The following SPPL3 variants were observed in gnomAD, a reference collection of about 807,000 sequenced individuals.
SPPL3 encodes signal peptide peptidase-like 3.
A neutral mutation model predicts 42.4 loss-of-function variants in SPPL3; 5 were observed. That is an observed-to-expected ratio of 0.12 (90% CI 0.06 to 0.25). The LOEUF (loss-of-function observed/expected upper bound fraction) is 0.25. Among genes scored for constraint, SPPL3 ranks in the 10% least tolerant of loss-of-function variants. SPPL3 has a pLI of 1.00. For synonymous variants in SPPL3, 195 were observed against 181.8 expected, an observed-to-expected ratio of 1.07 and a Z score of -0.58; for missense variants, 235 against 489.0, an observed-to-expected ratio of 0.48 and a Z score of 4.90.
At chr12:120,818,682 C>CA (rs1324500243) in intron 1 of SPPL3, among the ~76,000 whole-genome samples, 1 of 152,220 alleles carries the variant, frequency 6.6e-6, no homozygotes, top group Admixed American at 6.5e-5. Context: ...ACTGCACAGA[C>CA]ATTGCCTTAG....
chr12:120,825,271 G>A (rs1387834517), intron 1 of SPPL3, among the ~76,000 whole-genome samples: 1 of 152,090 alleles, frequency 6.6e-6, no homozygotes, highest in African/African-American at 2.4e-5. Flanking sequence ...TATTTAGTTT[G>A]AAAAAACAAG....
At chr12:120,780,587 TAAAAAAAA>T (rs34476118) in intron 6 of SPPL3, among the ~76,000 whole-genome samples, 6 of 124,654 alleles carry the variant, frequency 4.8e-5, no homozygotes, top group Non-Finnish European at 1.0e-4. Flanking sequence ...TGTCTCTATT[TAAAAAAAA>T]AAAAAAAAAA....
At chr12:120,901,855 G>A (rs1021078511) in intron 1 of SPPL3, 40 of 978,142 alleles carry the variant, frequency 4.1e-5, no homozygotes, top group African/African-American at 7.0e-5. Flanking sequence ...ATGTCAGAGA[G>A]AGGTCGTGTG....
intron 1 of SPPL3, among the ~76,000 whole-genome samples, chr12:120,892,193 A>G (rs1873662186): frequency 6.6e-6 from 1 of 152,210 alleles, no homozygotes; most frequent in Admixed American, 6.5e-5. Context: ...ATTCTTTTAC[A>G]AAGAAAATCT....
At chr12:120,880,180 C>T (rs1285012804) in intron 1 of SPPL3, among the ~76,000 whole-genome samples, 2 of 150,972 alleles carry the variant, frequency 1.3e-5, no homozygotes, top group Non-Finnish European at 2.9e-5. Flanking sequence ...AGCCAGATAA[C>T]GAATCTCAGC....
chr12:120,897,048 C>A (rs963768651), intron 1 of SPPL3, among the ~76,000 whole-genome samples: 3 of 152,070 alleles, frequency 2.0e-5, no homozygotes, highest in Non-Finnish European at 2.9e-5. Context: ...TAAATTTTCA[C>A]GAGATGGTTT....
intron 2 of SPPL3, among the ~76,000 whole-genome samples, chr12:120,803,097 G>A (rs552281490): frequency 2.9e-4 from 44 of 152,272 alleles, no homozygotes; most frequent in African/African-American, 1.1e-3. Context: ...CGATTCACCT[G>A]AACAACTGAG....
chr12:120,810,681 T>G, intron 2 of SPPL3, 128 bp downstream of exon 2: 1 of 719,142 alleles, frequency 1.4e-6, no homozygotes, highest in Non-Finnish European at 2.4e-6. Context: ...CAGAACTCTC[T>G]ATTCTGAGTC....
At chr12:120,773,493 A>G (rs529915840) in intron 6 of SPPL3, among the ~76,000 whole-genome samples, 1 of 152,192 alleles carries the variant, frequency 6.6e-6, no homozygotes, top group South Asian at 2.1e-4. Context: ...AGTGAGGGTC[A>G]GAGGACTGAA....
intron 1 of SPPL3, among the ~76,000 whole-genome samples, chr12:120,873,497 C>T (rs903183553): frequency 6.6e-5 from 10 of 152,252 alleles, no homozygotes; most frequent in Admixed American, 2.0e-4. Context: ...CAAGGCACAT[C>T]ATAACCAAAG....
chr12:120,842,180 A>G (rs1004832155), intron 1 of SPPL3, among the ~76,000 whole-genome samples: 2 of 152,226 alleles, frequency 1.3e-5, no homozygotes, highest in East Asian at 3.8e-4. Context: ...GTGGCCCAGA[A>G]TCATGCATAG....
intron 1 of SPPL3, chr12:120,845,366 T>C (rs1340349216): frequency 2.8e-6 from 1 of 362,758 alleles, no homozygotes; most frequent in Admixed American, 3.7e-5. Context: ...ATACGCCCTC[T>C]GTCAGTGCTG....
At chr12:120,884,101 CAAAA>C (rs33918080) in intron 1 of SPPL3, among the ~76,000 whole-genome samples, 16 of 124,078 alleles carry the variant, frequency 1.3e-4, no homozygotes, top group African/African-American at 2.7e-4. Flanking sequence ...AACTATGTCT[CAAAA>C]AAAAAAAAAA....
intron 1 of SPPL3, among the ~76,000 whole-genome samples, chr12:120,887,793 A>G (rs1474913671): frequency 6.6e-6 from 1 of 152,202 alleles, no homozygotes; most frequent in Non-Finnish European, 1.5e-5. Context: ...TAAACACTAC[A>G]CAAATAAAAC....
Position 120,883,120 on chromosome 12 carries a change from C to G in SPPL3, c.23+20725G>C, listed in dbSNP as rs527496738. On this transcript the variant is annotated intron_variant, in intron 1 of 10. Coordinates refer to ENST00000353487, the MANE Select transcript of SPPL3 (RefSeq NM_139015.5). ...GAGATCAAGACCATCCTGGCTAACA[C>G]GGCGAAACCCCGTCTCTACTAAAAA... Among the ~76,000 whole-genome samples, 41 of 151,058 alleles carry G rather than the reference C, an allele frequency of 2.7e-4. 1 individual carries two copies. The highest frequency in any genetic ancestry group is 9.8e-4 in the African/African-American group (40 of 40,718).
At chr12:120,833,776 T>A (rs942992505) in intron 1 of SPPL3, among the ~76,000 whole-genome samples, 2 of 70,144 alleles carry the variant, frequency 2.9e-5, no homozygotes, top group Admixed American at 2.4e-4. Flanking sequence ...AGTGTGTGTG[T>A]GTGTGTGTGT....
chr12:120,839,240 C>T (rs1871723498), intron 1 of SPPL3, among the ~76,000 whole-genome samples: 1 of 151,282 alleles, frequency 6.6e-6, no homozygotes, highest in Non-Finnish European at 1.5e-5. Context: ...TCATCATTCT[C>T]AGTGAACTAC....
chr12:120,767,749 A>G (rs1366914193), intron 8 of SPPL3, among the ~76,000 whole-genome samples, 156 bp from the exon 9 acceptor site: 1 of 152,200 alleles, frequency 6.6e-6, no homozygotes. Context: ...AAGAGTGTAG[A>G]GAGAAAAAGC....
chr12:120,838,548 T>C (rs1282411905), intron 1 of SPPL3, among the ~76,000 whole-genome samples: 2 of 152,260 alleles, frequency 1.3e-5, no homozygotes, highest in African/African-American at 4.8e-5. Flanking sequence ...CAGATTTACC[T>C]GGATTTTTCA....
Sources: allele counts gnomAD v4.1 joint callset (sites outside exome capture counted in the v4.1 genomes callset), GRCh38; gene constraint gnomAD v4.1.1; transcripts MANE v1.5; gene names NCBI Gene and HGNC (gene_info 2026-07-23, HGNC 2026-07-21).